Variants in DNAAF1 observed in about 807,000 individuals in gnomAD.
DNAAF1 encodes the protein dynein assembly factor 1, axonemal.
DNAAF1 carries 65 observed loss-of-function variants against 71.1 expected under a neutral mutation model. The observed-to-expected ratio is 0.91, with a 90% CI of 0.75 to 1.12. The LOEUF is 1.12. DNAAF1 is among the 50% of genes most tolerant of loss of function. The pLI is 0.00. For missense variants in DNAAF1, 1,178 were observed against 899.8 expected (o/e 1.31, Z -3.96); for synonymous variants, 414 against 354.6 (o/e 1.17, Z -1.88).
At chr16:84,151,262 G>A (rs1022518131) in intron 3 of DNAAF1, among the ~76,000 whole-genome samples, 2 of 152,174 alleles carry the variant, frequency 1.3e-5, no homozygotes, top group African/African-American at 2.4e-5. Flanking sequence ...AATGCACAGA[G>A]GGAACCGGCA....
intron 5 of DNAAF1, among the ~76,000 whole-genome samples, chr16:84,156,023 G>T (rs1010336813): frequency 6.6e-6 from 1 of 152,086 alleles, no homozygotes; most frequent in Non-Finnish European, 1.5e-5. Flanking sequence ...GAGTGCTGTG[G>T]CATGAACTCC....
chr16:84,174,795 C>G lies in DNAAF1; in HGVS notation c.1698+73C>G, dbSNP rs2088565270. ...TTCGTTCTTGTCGTTTACCGTTTCT[C>G]TCCTAAACTTGAAAGTAAAATGTTC... On this transcript the variant is annotated intron_variant, in intron 10 of 11. Transcript: ENST00000378553. 3 of 1,585,976 alleles carry G rather than the reference C, an allele frequency of 1.9e-6. No individual in the cohort carries two copies. In the East Asian group the frequency reaches 6.7e-5, roughly 35 times the overall value.
intron 1 of DNAAF1, among the ~76,000 whole-genome samples, chr16:84,147,314 C>T (rs2151201772): frequency 6.6e-6 from 1 of 152,140 alleles, no homozygotes; most frequent in South Asian, 2.1e-4. Flanking sequence ...AGAACCAGTC[C>T]CCACACGCAC....
chr16:84,148,596 C>CTTTTTTTTTTTTTTTTTTTTTTATTTT, intron 1 of DNAAF1, among the ~76,000 whole-genome samples: 1 of 43,578 alleles, frequency 2.3e-5, no homozygotes, highest in South Asian at 8.4e-4. Flanking sequence ...CTCTCTCTCT[C>CTTTTTTTTTTTTTTTTTTTTTTATTTT]TTTTTTTTTT....
chr16:84,172,882 G>T, intron 9 of DNAAF1: 1 of 1,011,848 alleles, frequency 9.9e-7, no homozygotes, highest in Non-Finnish European at 1.2e-6. Context: ...ATCCCCTTGA[G>T]TGAATGTTTG....
intron 9 of DNAAF1, chr16:84,174,184 C>G: frequency 9.9e-7 from 1 of 1,007,504 alleles, no homozygotes; most frequent in Middle Eastern, 5.1e-4. Flanking sequence ...CAACCACACA[C>G]TATGCTGCCT....
Position 84,154,618 on chromosome 16 carries a change from C to G in DNAAF1, c.394C>G (p.Arg132Gly), listed in dbSNP as rs538582505. The change falls in exon 4 of 12, where the codon CGC becomes GGC. Residue 132 changes from arginine (R) to glycine (G), a missense_variant. Transcript: ENST00000378553. ...GAACCTGGAAGAGTACACAGGGCTG[C>G]GCTGTCTCTGGCTGCAGAGCAATGG... ...IENLEEYTGL[R>G]CLWLQSNGIQ... 3 of 1,614,036 alleles carry G rather than the reference C, an allele frequency of 1.9e-6. No homozygotes were observed. The African/African-American group carries it at 4.0e-5, about 22-fold the overall frequency.
In DNAAF1 at chr16:84,148,582, TTCTC is replaced by T. The variant is rs1287215005; in HGVS notation, c.125-413_125-410del. 5.7e-3 allele frequency among the ~76,000 whole-genome samples: 671 copies of T among 117,502 alleles called. 10 individuals are homozygous for T. Among genetic ancestry groups the T allele is most frequent in the African/African-American group, 0.022 (629 of 28,220 alleles). The allele number at this position is 117,502 out of a possible 152,430, so 77.1% of individuals were successfully genotyped here. ...ATTGTTACACATTTAAAGATTACTG[TTCTC>T]TCTCTCTCTCTTTTTTTTTTTTTTT... On this transcript the variant is annotated intron_variant, in intron 1 of 11. Coordinates refer to ENST00000378553, the MANE Select transcript of DNAAF1 (RefSeq NM_178452.6).
chr16:84,160,717 G>A (rs1448871748), intron 6 of DNAAF1, among the ~76,000 whole-genome samples: 2 of 152,050 alleles, frequency 1.3e-5, no homozygotes, highest in East Asian at 1.9e-4. Context: ...GGCGGATCAC[G>A]AGGTCAGGAG....
intron 10 of DNAAF1, 92 bp from the exon 11 acceptor site, chr16:84,175,841 A>G (rs2088620454): frequency 1.4e-6 from 2 of 1,478,382 alleles, no homozygotes; most frequent in Non-Finnish European, 1.9e-6. Flanking sequence ...ACTTTGTGAC[A>G]TTGGGTGAAA....
Position 84,177,770 on chromosome 16 carries a change from G to T in DNAAF1, c.2107G>T (p.Gly703Ter), listed in dbSNP as rs4150188. 1 of 1,614,028 alleles carries T rather than the reference G, an allele frequency of 6.2e-7. No individual in the cohort carries two copies. Among genetic ancestry groups the T allele is most frequent in the Non-Finnish European group, 8.5e-7 (1 of 1,179,998 alleles). The change falls in exon 12 of 12, where the codon GGA becomes TGA. Residue 703 changes from glycine to a stop codon, truncating the protein, a stop_gained. Transcript: ENST00000378553. LOFTEE classifies it low-confidence loss of function (END_TRUNC). ...CGCCACACCCCCAGAGACGTGTGTC[G>T]GAGTTGCCCAGCCCAGCCAAGCTCT... ...SAATPPETCV[G>*]VAQPSQALPT...
chr16:84,159,319 C>A (rs970029064), intron 5 of DNAAF1: 41 of 937,398 alleles, frequency 4.4e-5, no homozygotes, highest in Non-Finnish European at 5.4e-5. Context: ...AGAAAACAAT[C>A]AATTAGGCAG....
At chr16:84,147,760 C>CCCAA (rs1555519731) in intron 1 of DNAAF1, among the ~76,000 whole-genome samples, 1 of 149,566 alleles carries the variant, frequency 6.7e-6, no homozygotes, top group African/African-American at 2.5e-5. Context: ...AAGCCCCCCC[C>CCCAA]AAAAAAAAAA....
At chr16:84,150,230 C>A (rs370009574) in intron 2 of DNAAF1, 21 bp from the exon 3 acceptor site, 17 of 1,572,556 alleles carry the variant, frequency 1.1e-5, no homozygotes, top group Non-Finnish European at 1.5e-5. Context: ...TAAGCTTATT[C>A]ATATTTTTCC....
intron 1 of DNAAF1, among the ~76,000 whole-genome samples, chr16:84,146,444 C>T (rs570725304): frequency 2.6e-5 from 4 of 151,942 alleles, no homozygotes; most frequent in African/African-American, 7.3e-5. Flanking sequence ...TGGCCAGGCA[C>T]GGTGGCTCAC....
chr16:84,159,013 G>A, intron 5 of DNAAF1: 1 of 986,642 alleles, frequency 1.0e-6, no homozygotes, highest in Non-Finnish European at 1.2e-6. Flanking sequence ...TTACAGGAGT[G>A]AGCCACCATG....
At chr16:84,153,859 C>T (rs1487036433) in intron 3 of DNAAF1, among the ~76,000 whole-genome samples, 1 of 152,060 alleles carries the variant, frequency 6.6e-6, no homozygotes, top group African/African-American at 2.4e-5. Flanking sequence ...CCCCACTGCA[C>T]CCCCACCTCC....
At chr16:84,173,012 G>A in intron 9 of DNAAF1, 1 of 992,780 alleles carries the variant, frequency 1.0e-6, no homozygotes, top group South Asian at 4.6e-5. Context: ...AACCCCCCAA[G>A]AACTGTCCTT....
intron 3 of DNAAF1, among the ~76,000 whole-genome samples, chr16:84,153,884 A>C (rs1435418892): frequency 6.6e-6 from 1 of 151,516 alleles, no homozygotes. Flanking sequence ...ACTCCCCACC[A>C]TGAAGGCAGC....
Sources: gnomAD v4.1 joint callset for allele counts (sites outside exome capture counted in the v4.1 genomes callset) on GRCh38, gnomAD v4.1.1 for gene constraint, MANE v1.5 for transcripts, NCBI Gene and HGNC (gene_info 2026-07-23, HGNC 2026-07-21) for gene names.